The following URI1 variants were observed in gnomAD, a reference collection of about 807,000 sequenced individuals.
URI1 encodes URI1 prefoldin like chaperone.
A neutral mutation model predicts 60.2 loss-of-function variants in URI1; 39 were observed. The observed-to-expected ratio is 0.65, with a 90% CI of 0.50 to 0.85. The LOEUF (loss-of-function observed/expected upper bound fraction) is 0.85, where lower values mean the gene tolerates loss of function less well. URI1 is among the 40% of genes least tolerant of loss of function. URI1 has a pLI of 0.00. For missense variants in URI1, 691 were observed against 665.9 expected (o/e 1.04, Z -0.42); for synonymous variants, 251 against 236.8 (o/e 1.06, Z -0.55).
At chr19:29,956,598 A>T (rs2055250775) in intron 1 of URI1, 1 of 1,502,690 alleles carries the variant, frequency 6.7e-7, no homozygotes, top group Non-Finnish European at 9.2e-7. Flanking sequence ...AACAGGCAAC[A>T]CCTGGTCTCA....
chr19:29,935,979 G>C (rs2054968472), intron 1 of URI1, among the ~76,000 whole-genome samples: 1 of 151,860 alleles, frequency 6.6e-6, no homozygotes, highest in Admixed American at 6.6e-5. Context: ...GTAGAGACAG[G>C]GTTTCACTAT....
chr19:29,995,647 T>C (rs1275248275), intron 4 of URI1, among the ~76,000 whole-genome samples: 1 of 152,072 alleles, frequency 6.6e-6, no homozygotes, highest in Non-Finnish European at 1.5e-5. Context: ...GTCCAGTTAG[T>C]GTTTTTTTGT....
At chr19:29,969,040 C>T (rs1290609580) in intron 1 of URI1, among the ~76,000 whole-genome samples, 1 of 152,078 alleles carries the variant, frequency 6.6e-6, no homozygotes, top group African/African-American at 2.4e-5. Context: ...GAAGGCTAGT[C>T]TATATATTTT....
Position 30,007,530 on chromosome 19 carries a change from C to G in URI1, c.578C>G (p.Ala193Gly), listed in dbSNP as rs1291427726. Reference protein sequence around the residue: ...SKPKTSDIFEADIANDVKSKD... With the variant: ...SKPKTSDIFEGDIANDVKSKD... ...CCAAAAACTTCAGATATTTTTGAAG[C>G]AGATATTGCAAATGATGTGAAATCC... is the stretch of plus-strand genomic sequence containing the variant. The change falls in exon 7 of 11, where the codon GCA (alanine) becomes GGA (glycine). Residue 193 changes from alanine (A) to glycine (G), a missense_variant. Transcript: ENST00000392271. 2.5e-6 allele frequency: 4 copies of G among 1,613,252 alleles called. No homozygotes were observed. The African/African-American group carries it at 5.3e-5, about 22-fold the overall frequency.
At position 30,015,007 on chromosome 19, in the gene URI1, T is replaced by C. The variant is rs1486062255; in HGVS notation, c.1546T>C (p.Ser516Pro). 6.2e-7 allele frequency: 1 copy of C among 1,613,812 alleles called. No individual in the cohort carries two copies. The highest frequency in any genetic ancestry group is 1.6e-4 in the Middle Eastern group (1 of 6,062). Reference protein sequence around the residue: ...PERKEVLLEASEETGKRVSKF... With the variant: ...PERKEVLLEAPEETGKRVSKF... Reference sequence around the variant, plus strand: ...ACGAAAGGAAGTTCTGTTGGAAGCATCTGAAGAAACTGGAAAGAGGGTTTC... The same window carrying C: ...ACGAAAGGAAGTTCTGTTGGAAGCACCTGAAGAAACTGGAAAGAGGGTTTC... The change falls in exon 11 of 11, where the codon TCT becomes CCT. Residue 516 changes from serine to proline, a missense_variant. Physicochemically the swap from Ser to Pro is moderately conservative, Grantham distance 74 (BLOSUM62 -1). Coordinates refer to ENST00000392271, the MANE Select transcript of URI1 (RefSeq NM_003796.3).
intron 2 of URI1, among the ~76,000 whole-genome samples, chr19:29,972,052 T>G (rs1192456515): frequency 1.3e-5 from 2 of 152,072 alleles, no homozygotes; most frequent in Admixed American, 6.6e-5. Flanking sequence ...AAGAGGCTTT[T>G]TCTTCATGCC....
chr19:30,011,422 T>C (rs1219164143), intron 9 of URI1, among the ~76,000 whole-genome samples, 186 bp downstream of exon 9: 1 of 151,804 alleles, frequency 6.6e-6, no homozygotes, highest in Non-Finnish European at 1.5e-5. Context: ...GCAGTGGGAA[T>C]GGAGGATTTT....
chr19:29,986,255 C>T (rs779819279), intron 3 of URI1, 27 bp from the exon 4 acceptor site: 12 of 1,524,806 alleles, frequency 7.9e-6, no homozygotes, highest in Middle Eastern at 1.7e-4. Context: ...ATGTTTTTTC[C>T]CTTTTTTCTT....
At chr19:29,964,331 A>G (rs561185219) in intron 1 of URI1, among the ~76,000 whole-genome samples, 3 of 152,016 alleles carry the variant, frequency 2.0e-5, no homozygotes, top group Non-Finnish European at 4.4e-5. Flanking sequence ...TTTTTGTCCT[A>G]CTTGGAGGTA....
intron 2 of URI1, among the ~76,000 whole-genome samples, chr19:29,972,827 T>C (rs1304481203): frequency 6.6e-6 from 1 of 152,162 alleles, no homozygotes; most frequent in Non-Finnish European, 1.5e-5. Flanking sequence ...GACCCTCAAT[T>C]TCACTTTTCA....
At chr19:29,932,036 G>A (rs1299526318) in intron 1 of URI1, among the ~76,000 whole-genome samples, 4 of 151,320 alleles carry the variant, frequency 2.6e-5, no homozygotes, top group East Asian at 1.9e-4. Flanking sequence ...TAACTTGGCT[G>A]CCTTTCATTT....
chr19:29,977,085 G>A (rs987371055), intron 2 of URI1, among the ~76,000 whole-genome samples: 2 of 150,928 alleles, frequency 1.3e-5, no homozygotes, highest in African/African-American at 2.4e-5. Flanking sequence ...AACCAAGAAA[G>A]CATACCTGTA....
Position 29,942,316 on chromosome 19 carries a change from C to T in URI1, c.-232C>T, listed in dbSNP as rs1483142310. On this transcript the variant is annotated 5_prime_UTR_variant, in exon 1 of 11. Transcript: ENST00000392271. ...GGCGTCTCGGTACCTGGCAGGCGGC[C>T]TGCTACTCGGAGCCCGCTGCGGGGC... 4.1e-6 allele frequency: 4 copies of T among 985,144 alleles called. No homozygotes were observed. Among genetic ancestry groups the T allele is most frequent in the Admixed American group, 6.2e-5 (1 of 16,152 alleles). The allele number at this position is 985,144 out of a possible 1,614,324, so 61.0% of individuals were successfully genotyped here.
At chr19:29,959,012 T>C (rs764381013) in intron 1 of URI1, among the ~76,000 whole-genome samples, 60 of 152,178 alleles carry the variant, frequency 3.9e-4, no homozygotes, top group Admixed American at 7.9e-4. Flanking sequence ...TTTCTTTTCT[T>C]GTAATGTCGA....
chr19:29,991,133 G>T (rs577042158), intron 4 of URI1, among the ~76,000 whole-genome samples: 9 of 152,152 alleles, frequency 5.9e-5, no homozygotes, highest in Admixed American at 5.9e-4. Flanking sequence ...ACTCGCTTAT[G>T]TTTACAAAAA....
intron 1 of URI1, among the ~76,000 whole-genome samples, chr19:29,934,619 T>A (rs2054952694): frequency 6.6e-6 from 1 of 152,246 alleles, no homozygotes; most frequent in Admixed American, 6.5e-5. Flanking sequence ...CACTGCAGCT[T>A]CGACCTCTTG....
intron 4 of URI1, among the ~76,000 whole-genome samples, chr19:29,993,687 G>C (rs191711652): frequency 6.6e-5 from 10 of 151,880 alleles, no homozygotes; most frequent in African/African-American, 2.4e-4. Flanking sequence ...TTTTTTAGTA[G>C]GTTATATATG....
At chr19:29,956,584 A>G in intron 1 of URI1, 1 of 1,510,338 alleles carries the variant, frequency 6.6e-7, no homozygotes. Context: ...GGCTTGAGGT[A>G]CTGAACAGGC....
At chr19:29,981,151 ATGT>A (rs2145358607) in intron 2 of URI1, among the ~76,000 whole-genome samples, 1 of 152,104 alleles carries the variant, frequency 6.6e-6, no homozygotes, top group Admixed American at 6.6e-5. Flanking sequence ...AGGATTAAAA[ATGT>A]TGATCCCTTT....
Sources: allele counts gnomAD v4.1 joint callset (sites outside exome capture counted in the v4.1 genomes callset), GRCh38; gene constraint gnomAD v4.1.1; transcripts MANE v1.5; gene names NCBI Gene and HGNC (gene_info 2026-07-23, HGNC 2026-07-21).